Variants in MACROD2 observed in about 807,000 individuals in gnomAD.
MACROD2 encodes the protein mono-ADP ribosylhydrolase 2, also known as ADP-ribose glycohydrolase MACROD2.
Under a neutral mutation model 70.4 loss-of-function variants are expected in MACROD2, and 36 were observed. The observed-to-expected ratio is 0.51, with a 90% CI of 0.39 to 0.68. MACROD2 has a LOEUF of 0.68. Ranked by LOEUF, MACROD2 falls within the 30% of genes least tolerant of loss-of-function variation. MACROD2 has a pLI of 0.00. For missense variants in MACROD2, 496 were observed against 538.4 expected (o/e 0.92, Z 0.78); for synonymous variants, 172 against 178.8 (o/e 0.96, Z 0.30).
chr20:15,544,057 C>A (rs1213323058), intron 8 of MACROD2, among the ~76,000 whole-genome samples: 1 of 152,104 alleles, frequency 6.6e-6, no homozygotes, highest in Non-Finnish European at 1.5e-5. Context: ...ACAGTAAAGT[C>A]CCTGAGGGAA....
chr20:15,823,640 C>A (rs903816639), intron 8 of MACROD2, among the ~76,000 whole-genome samples: 1 of 152,202 alleles, frequency 6.6e-6, no homozygotes, highest in African/African-American at 2.4e-5. Flanking sequence ...ATGCTTGGTT[C>A]GCAACTGCAA....
At chr20:15,894,559 C>A (rs1480447191) in intron 10 of MACROD2, among the ~76,000 whole-genome samples, 1 of 152,148 alleles carries the variant, frequency 6.6e-6, no homozygotes, top group Non-Finnish European at 1.5e-5. Flanking sequence ...TTCCTTCTCC[C>A]AGGCTTACTG....
chr20:14,941,857 C>G (rs761054188), intron 5 of MACROD2, among the ~76,000 whole-genome samples: 25 of 151,550 alleles, frequency 1.6e-4, no homozygotes, highest in African/African-American at 6.1e-4. Flanking sequence ...GACCATGGCT[C>G]ACTGCAGCCT....
chr20:14,463,775 G>A (rs1264526351), intron 3 of MACROD2, among the ~76,000 whole-genome samples: 1 of 152,092 alleles, frequency 6.6e-6, no homozygotes, highest in East Asian at 1.9e-4. Context: ...GGCCTTTTCT[G>A]CATCTATTGA....
intron 4 of MACROD2, among the ~76,000 whole-genome samples, chr20:14,628,301 G>C (rs1984303016): frequency 6.6e-6 from 1 of 152,180 alleles, no homozygotes; most frequent in Admixed American, 6.5e-5. Context: ...TGGATGTAGA[G>C]AGAATGGATT....
chr20:14,793,545 A>G (rs1334287472), intron 5 of MACROD2, among the ~76,000 whole-genome samples: 6 of 151,630 alleles, frequency 4.0e-5, no homozygotes, highest in African/African-American at 1.5e-4. Flanking sequence ...CAGTTATTTC[A>G]ATTGAAAAAG....
At chr20:14,427,444 A>G (rs13041600) in intron 3 of MACROD2, among the ~76,000 whole-genome samples, 23,368 of 150,598 alleles carry the variant, frequency 0.16, 2,567 homozygotes, top group Non-Finnish European at 0.23. Flanking sequence ...ATCACTCAAG[A>G]CCAGTAATAT....
intron 3 of MACROD2, among the ~76,000 whole-genome samples, chr20:14,132,934 C>T (rs112520711): frequency 0.026 from 4,033 of 152,226 alleles, 53 homozygotes; most frequent in Non-Finnish European, 0.032. Context: ...AGCCACTGCA[C>T]CTGGCCAGAA....
chr20:15,979,629 A>C (rs1330672209), intron 13 of MACROD2, among the ~76,000 whole-genome samples: 1 of 152,124 alleles, frequency 6.6e-6, no homozygotes, highest in Non-Finnish European at 1.5e-5. Flanking sequence ...AAAATTCCAT[A>C]GTTAAGTATC....
At chr20:15,162,142 G>C (rs1480885403) in intron 5 of MACROD2, among the ~76,000 whole-genome samples, 1 of 152,054 alleles carries the variant, frequency 6.6e-6, no homozygotes, top group Non-Finnish European at 1.5e-5. Context: ...AGTAATAACG[G>C]ACATTTGAAT....
intron 3 of MACROD2, among the ~76,000 whole-genome samples, chr20:14,480,423 C>T (rs112226037): frequency 0.018 from 2,756 of 152,218 alleles, 70 homozygotes; most frequent in African/African-American, 0.062. Context: ...ATACCATATG[C>T]AAATTCTCTT....
At chr20:14,357,065 T>G (rs2083179320) in intron 3 of MACROD2, among the ~76,000 whole-genome samples, 1 of 152,180 alleles carries the variant, frequency 6.6e-6, no homozygotes, top group Non-Finnish European at 1.5e-5. Flanking sequence ...GAGTACTACT[T>G]CCATCATAGT....
chr20:14,475,012 G>C (rs1213213586), intron 3 of MACROD2, among the ~76,000 whole-genome samples: 6 of 151,646 alleles, frequency 4.0e-5, no homozygotes, highest in East Asian at 1.9e-4. Flanking sequence ...TTTTTTTCCA[G>C]TTGTTTTGTA....
chr20:15,886,184 A>T (rs1212137684), intron 10 of MACROD2, among the ~76,000 whole-genome samples: 1 of 152,170 alleles, frequency 6.6e-6, no homozygotes, highest in Non-Finnish European at 1.5e-5. Flanking sequence ...CAGCAGGAAG[A>T]TTCAACAGCT....
At chr20:14,899,233 C>T (rs2073867073) in intron 5 of MACROD2, among the ~76,000 whole-genome samples, 1 of 152,172 alleles carries the variant, frequency 6.6e-6, no homozygotes, top group South Asian at 2.1e-4. Context: ...CTTTCCTCTG[C>T]TTATTTTGCT....
chr20:15,216,294 A>T (rs541328610), intron 5 of MACROD2, among the ~76,000 whole-genome samples: 5 of 152,266 alleles, frequency 3.3e-5, no homozygotes, highest in African/African-American at 1.2e-4. Flanking sequence ...CTGTATCAAA[A>T]TATTTTATGT....
At chr20:15,478,968 G>A (rs1212284767) in intron 7 of MACROD2, among the ~76,000 whole-genome samples, 1 of 152,218 alleles carries the variant, frequency 6.6e-6, no homozygotes, top group East Asian at 1.9e-4. Flanking sequence ...AACACAAAAA[G>A]AGATGAACAT....
intron 5 of MACROD2, among the ~76,000 whole-genome samples, chr20:14,849,103 A>G (rs1414400320): frequency 2.0e-5 from 3 of 152,178 alleles, no homozygotes; most frequent in African/African-American, 4.8e-5. Flanking sequence ...TCTTCTGGTC[A>G]GGGCTCTTTG....
chr20:15,251,618 T>C (rs577429296), intron 6 of MACROD2, among the ~76,000 whole-genome samples: 99 of 152,322 alleles, frequency 6.5e-4, no homozygotes, highest in Non-Finnish European at 1.1e-3. Context: ...TTGTTCTCAA[T>C]GATATTTTAT....
Sources: allele counts gnomAD v4.1 joint callset (sites outside exome capture counted in the v4.1 genomes callset), GRCh38; gene constraint gnomAD v4.1.1; transcripts MANE v1.5; gene names NCBI Gene and HGNC (gene_info 2026-07-23, HGNC 2026-07-21).